Variants in THSD7B observed in about 807,000 individuals in gnomAD.
THSD7B encodes thrombospondin type 1 domain containing 7B, also known as thrombospondin type-1 domain-containing protein 7B.
THSD7B carries 138 observed loss-of-function variants against 213.6 expected under a neutral mutation model. The observed-to-expected ratio is 0.65, with a 90% CI of 0.56 to 0.74. The LOEUF (loss-of-function observed/expected upper bound fraction) is 0.74, where lower values mean the gene tolerates loss of function less well. Ranked by LOEUF, THSD7B falls within the 30% of genes least tolerant of loss-of-function variation. The pLI, the probability that THSD7B is intolerant of heterozygous loss-of-function variation, is 0.00. For synonymous variants in THSD7B, 742 were observed against 687.0 expected, an observed-to-expected ratio of 1.08 and a Z score of -1.25; for missense variants, 1,931 against 1,991.5, an observed-to-expected ratio of 0.97 and a Z score of 0.58.
At chr2:137,362,320 A>G (rs1685284228) in intron 12 of THSD7B, among the ~76,000 whole-genome samples, 1 of 152,256 alleles carries the variant, frequency 6.6e-6, no homozygotes. Flanking sequence ...AAGAAACTGC[A>G]TCAACTAATG....
At chr2:137,609,407 G>A (rs1682246574) in intron 17 of THSD7B, among the ~76,000 whole-genome samples, 1 of 152,238 alleles carries the variant, frequency 6.6e-6, no homozygotes, top group African/African-American at 2.4e-5. Context: ...GCTTTGAGCA[G>A]TGGTGACCAG....
At chr2:137,237,652 T>A (rs948202068) in intron 9 of THSD7B, among the ~76,000 whole-genome samples, 1 of 152,220 alleles carries the variant, frequency 6.6e-6, no homozygotes, top group African/African-American at 2.4e-5. Flanking sequence ...AATACAGTGA[T>A]ACAGAAAACC....
At chr2:137,113,861 G>A (rs1368447329) in intron 4 of THSD7B, among the ~76,000 whole-genome samples, 1 of 152,204 alleles carries the variant, frequency 6.6e-6, no homozygotes, top group Non-Finnish European at 1.5e-5. Flanking sequence ...ATTAAGTAGT[G>A]AGGCTGAGGG....
intron 2 of THSD7B, among the ~76,000 whole-genome samples, chr2:137,013,767 G>T (rs1352359329): frequency 6.6e-6 from 1 of 152,082 alleles, no homozygotes; most frequent in Non-Finnish European, 1.5e-5. Flanking sequence ...AGCCAGGCTG[G>T]TGTGTGTGAC....
chr2:137,345,136 G>A (rs1684848465), intron 12 of THSD7B, among the ~76,000 whole-genome samples: 1 of 151,616 alleles, frequency 6.6e-6, no homozygotes, highest in Admixed American at 6.6e-5. Context: ...TAATCTAATG[G>A]CAAATCTTAA....
intron 15 of THSD7B, among the ~76,000 whole-genome samples, chr2:137,537,007 G>A (rs563956873): frequency 1.3e-5 from 2 of 151,866 alleles, no homozygotes; most frequent in African/African-American, 2.4e-5. Context: ...CTATAGAGCT[G>A]CATTCCTAGA....
At chr2:137,486,901 A>C (rs1163622181) in intron 15 of THSD7B, among the ~76,000 whole-genome samples, 8 of 152,108 alleles carry the variant, frequency 5.3e-5, no homozygotes, top group Non-Finnish European at 1.2e-4. Context: ...CTACTGGGTA[A>C]ATAACGAAAT....
chr2:137,472,300 G>T (rs994033225), intron 15 of THSD7B, among the ~76,000 whole-genome samples: 1 of 152,090 alleles, frequency 6.6e-6, no homozygotes, highest in African/African-American at 2.4e-5. Flanking sequence ...TCACTTTCTG[G>T]TTTCAGGATC....
intron 2 of THSD7B, among the ~76,000 whole-genome samples, chr2:136,908,164 T>A (rs1419490236): frequency 6.6e-6 from 1 of 152,196 alleles, no homozygotes; most frequent in Non-Finnish European, 1.5e-5. Context: ...CAGGAGCTCA[T>A]TTTAAATCTC....
At chr2:137,510,837 G>C (rs534710997) in intron 15 of THSD7B, among the ~76,000 whole-genome samples, 1 of 152,166 alleles carries the variant, frequency 6.6e-6, no homozygotes, top group African/African-American at 2.4e-5. Flanking sequence ...CATGTGTCCA[G>C]GTGCAGTCTC....
chr2:137,039,938 A>T (rs921939256), intron 2 of THSD7B, among the ~76,000 whole-genome samples: 1 of 152,186 alleles, frequency 6.6e-6, no homozygotes, highest in African/African-American at 2.4e-5. Flanking sequence ...GTGCCCAGCT[A>T]GTCAGAGGGT....
At chr2:137,513,752 C>G (rs1227840793) in intron 15 of THSD7B, among the ~76,000 whole-genome samples, 2 of 152,116 alleles carry the variant, frequency 1.3e-5, no homozygotes, top group Admixed American at 1.3e-4. Context: ...GAACCTGATT[C>G]TTATTCAGAA....
chr2:137,156,796 C>T (rs566317829), intron 5 of THSD7B, among the ~76,000 whole-genome samples: 1 of 152,266 alleles, frequency 6.6e-6, no homozygotes, highest in South Asian at 2.1e-4. Flanking sequence ...TAGTGCTTGC[C>T]TACTGTGTGC....
intron 12 of THSD7B, among the ~76,000 whole-genome samples, chr2:137,311,187 G>A (rs1317332816): frequency 6.7e-6 from 1 of 150,234 alleles, no homozygotes; most frequent in Non-Finnish European, 1.5e-5. Flanking sequence ...TCGTTGAGCA[G>A]TGGTTTGTAG....
chr2:137,467,802 G>A (rs1407216382), intron 15 of THSD7B, among the ~76,000 whole-genome samples: 4 of 152,078 alleles, frequency 2.6e-5, no homozygotes, highest in East Asian at 3.9e-4. Flanking sequence ...TTTTGGCAAA[G>A]GGATGATTCT....
intron 5 of THSD7B, among the ~76,000 whole-genome samples, chr2:137,136,346 G>C (rs968621481): frequency 1.3e-5 from 2 of 152,132 alleles, no homozygotes; most frequent in Non-Finnish European, 2.9e-5. Context: ...TTATTCCAGT[G>C]AACAGTTCAC....
intron 2 of THSD7B, chr2:136,906,446 A>C (rs2105018150): frequency 6.6e-6 from 1 of 152,300 alleles, no homozygotes; most frequent in Middle Eastern, 3.4e-3. Flanking sequence ...TTGTACTTGC[A>C]GGACTTGCCA....
At chr2:137,415,577 G>C (rs912365041) in intron 14 of THSD7B, among the ~76,000 whole-genome samples, 28 of 151,650 alleles carry the variant, frequency 1.8e-4, no homozygotes, top group African/African-American at 6.8e-4. Context: ...CCAATGAAGG[G>C]ACTACCTAAA....
intron 2 of THSD7B, among the ~76,000 whole-genome samples, chr2:136,960,856 G>A (rs1392462117): frequency 3.3e-5 from 5 of 151,632 alleles, no homozygotes; most frequent in Admixed American, 6.6e-5. Context: ...TAGGGAGGCC[G>A]AGGTGGGCGG....
Sources: allele counts gnomAD v4.1 joint callset (sites outside exome capture counted in the v4.1 genomes callset), GRCh38; gene constraint gnomAD v4.1.1; transcripts MANE v1.5; gene names NCBI Gene and HGNC (gene_info 2026-07-23, HGNC 2026-07-21).